KCNH7: variants seen among roughly 807,000 people sequenced by gnomAD.
KCNH7 encodes voltage-gated inwardly rectifying potassium channel KCNH7.
In KCNH7, 49 loss-of-function variants were observed where a neutral mutation model predicts 120.8. The observed-to-expected ratio is 0.41, with a 90% CI of 0.32 to 0.51. The LOEUF (loss-of-function observed/expected upper bound fraction) is 0.51, where lower values mean the gene tolerates loss of function less well. KCNH7 is among the 20% of genes least tolerant of loss of function. The probability of loss-of-function intolerance (pLI) is 0.38; values close to 1 mark genes in which losing one functional copy is unlikely to be tolerated. For missense variants in KCNH7, 1,097 were observed against 1,446.6 expected (o/e 0.76, Z 3.92); for synonymous variants, 547 against 516.1 (o/e 1.06, Z -0.81).
intron 2 of KCNH7, among the ~76,000 whole-genome samples, chr2:162,592,134 G>T (rs554340996): frequency 6.6e-6 from 1 of 152,142 alleles, no homozygotes; most frequent in African/African-American, 2.4e-5. Flanking sequence ...AGTGTACTAG[G>T]TTGGTGGGGT....
intron 6 of KCNH7, among the ~76,000 whole-genome samples, chr2:162,456,065 T>A (rs1688950981): frequency 6.6e-6 from 1 of 152,180 alleles, no homozygotes; most frequent in Non-Finnish European, 1.5e-5. Context: ...CTTTCTGATG[T>A]GGGCAATTAG....
intron 9 of KCNH7, among the ~76,000 whole-genome samples, chr2:162,414,313 G>T (rs191093826): frequency 6.6e-6 from 1 of 151,846 alleles, no homozygotes; most frequent in South Asian, 2.1e-4. Context: ...ATGTAAGTGG[G>T]TTTATTGCAG....
At chr2:162,514,361 TAAC>T (rs1461898845) in intron 4 of KCNH7, among the ~76,000 whole-genome samples, 4 of 151,894 alleles carry the variant, frequency 2.6e-5, no homozygotes, top group African/African-American at 9.6e-5. Flanking sequence ...ATTAGTAAAG[TAAC>T]AACTGCTTGC....
intron 6 of KCNH7, among the ~76,000 whole-genome samples, chr2:162,500,147 T>A (rs1389897243): frequency 6.7e-6 from 1 of 148,256 alleles, no homozygotes; most frequent in East Asian, 2.0e-4. Flanking sequence ...ATATATAATA[T>A]ACATATTGAT....
At chr2:162,645,796 G>A (rs1041909520) in intron 2 of KCNH7, among the ~76,000 whole-genome samples, 25 of 152,286 alleles carry the variant, frequency 1.6e-4, no homozygotes, top group South Asian at 4.1e-4. Context: ...TTTCCCAAAT[G>A]AGGTCACACT....
chr2:162,617,422 T>A (rs1221454440), intron 2 of KCNH7, among the ~76,000 whole-genome samples: 9 of 151,966 alleles, frequency 5.9e-5, no homozygotes, highest in African/African-American at 2.2e-4. Context: ...GAGCTTGCAG[T>A]GAGCTGAGAT....
At chr2:162,492,617 G>GA (rs1347187134) in intron 6 of KCNH7, among the ~76,000 whole-genome samples, 3 of 152,024 alleles carry the variant, frequency 2.0e-5, no homozygotes, top group African/African-American at 7.2e-5. Flanking sequence ...TTCCACCTCT[G>GA]AAAATACATT....
chr2:162,448,054 A>G (rs1328623030), intron 6 of KCNH7, among the ~76,000 whole-genome samples: 1 of 152,104 alleles, frequency 6.6e-6, no homozygotes, highest in African/African-American at 2.4e-5. Flanking sequence ...CTATTATGAG[A>G]AATGATGGCA....
At chr2:162,522,861 T>C (rs1450781264) in intron 3 of KCNH7, among the ~76,000 whole-genome samples, 7 of 151,880 alleles carry the variant, frequency 4.6e-5, no homozygotes, top group African/African-American at 1.2e-4. Context: ...ATAGTAGTTA[T>C]AATTAACTAC....
intron 12 of KCNH7, among the ~76,000 whole-genome samples, chr2:162,389,508 A>T (rs1442059515): frequency 2.0e-5 from 3 of 152,014 alleles, no homozygotes. Flanking sequence ...TATTTGGAAG[A>T]GTGGGTTCAG....
chr2:162,577,292 T>TCTA (rs1559025279), intron 2 of KCNH7, among the ~76,000 whole-genome samples: 1 of 18,812 alleles, frequency 5.3e-5, no homozygotes. Flanking sequence ...GATCTATCTG[T>TCTA]CTATCTATCT....
intron 5 of KCNH7, among the ~76,000 whole-genome samples, chr2:162,506,332 C>T (rs1327526651): frequency 2.0e-5 from 3 of 151,802 alleles, no homozygotes; most frequent in African/African-American, 7.2e-5. Flanking sequence ...AAGTCTCCAG[C>T]CCACATCACT....
chr2:162,547,043 G>A (rs911627109), intron 2 of KCNH7, among the ~76,000 whole-genome samples: 5 of 152,106 alleles, frequency 3.3e-5, no homozygotes, highest in African/African-American at 1.2e-4. Flanking sequence ...AGTTCTGCAT[G>A]GTTGGGGAGG....
At chr2:162,402,689 GTAGT>G (rs1346355623) in intron 9 of KCNH7, among the ~76,000 whole-genome samples, 2 of 151,884 alleles carry the variant, frequency 1.3e-5, no homozygotes, top group African/African-American at 4.8e-5. Flanking sequence ...TATGATTATA[GTAGT>G]TAGCATAAGA....
intron 2 of KCNH7, among the ~76,000 whole-genome samples, chr2:162,641,058 A>G (rs1684139062): frequency 6.6e-6 from 1 of 152,182 alleles, no homozygotes; most frequent in African/African-American, 2.4e-5. Context: ...GAAAAACTAG[A>G]TCATTCAGAC....
At chr2:162,442,342 A>T (rs550873994) in intron 7 of KCNH7, among the ~76,000 whole-genome samples, 7 of 151,798 alleles carry the variant, frequency 4.6e-5, no homozygotes, top group Non-Finnish European at 8.8e-5. Flanking sequence ...TGTCTTCTTT[A>T]GTAAAAACGT....
chr2:162,800,436 C>A (rs1684302552), intron 2 of KCNH7, among the ~76,000 whole-genome samples: 1 of 151,606 alleles, frequency 6.6e-6, no homozygotes, highest in African/African-American at 2.4e-5. Flanking sequence ...ACTATTATCA[C>A]CTATGGTAAT....
intron 2 of KCNH7, among the ~76,000 whole-genome samples, chr2:162,621,775 C>A (rs917860132): frequency 4.6e-5 from 7 of 152,040 alleles, no homozygotes; most frequent in African/African-American, 1.7e-4. Flanking sequence ...AAATTGTTCA[C>A]TATACAAAGT....
At chr2:162,639,190 C>A (rs1345058227) in intron 2 of KCNH7, among the ~76,000 whole-genome samples, 3 of 152,102 alleles carry the variant, frequency 2.0e-5, no homozygotes, top group African/African-American at 7.2e-5. Context: ...GAGAATCTTT[C>A]ATTCGACACT....
Sources: gnomAD v4.1 joint callset for allele counts (sites outside exome capture counted in the v4.1 genomes callset) on GRCh38, gnomAD v4.1.1 for gene constraint, MANE v1.5 for transcripts, NCBI Gene and HGNC (gene_info 2026-07-23, HGNC 2026-07-21) for gene names.